ANK3: variants seen among roughly 807,000 people sequenced by gnomAD.
ANK3 encodes the protein ankyrin 3.
ANK3 carries 57 observed loss-of-function variants against 370.9 expected under a neutral mutation model. The observed-to-expected ratio is 0.15, with a 90% CI of 0.12 to 0.19. The LOEUF (loss-of-function observed/expected upper bound fraction) is 0.19. Among genes scored for constraint, ANK3 ranks in the 10% least tolerant of loss-of-function variants. The probability of loss-of-function intolerance (pLI) is 1.00; values close to 1 mark genes in which losing one functional copy is unlikely to be tolerated. For synonymous variants in ANK3, 1,929 were observed against 1,946.3 expected (o/e 0.99, Z 0.23); for missense variants, 4,439 against 5,302.1 (o/e 0.84, Z 5.06).
At chr10:60,246,510 G>A (rs1422162986) in intron 7 of ANK3, among the ~76,000 whole-genome samples, 1 of 152,182 alleles carries the variant, frequency 6.6e-6, no homozygotes. Context: ...TGATGCCAAT[G>A]ACATTTCCTT....
chr10:60,673,785 C>T (rs1259475707), intron 1 of ANK3, among the ~76,000 whole-genome samples: 2 of 152,212 alleles, frequency 1.3e-5, no homozygotes, highest in Non-Finnish European at 2.9e-5. Flanking sequence ...CTGCACTCTT[C>T]AAGTTACCCT....
At chr10:60,082,527 C>T in intron 34 of ANK3, 88 bp downstream of exon 34, 1 of 1,503,904 alleles carries the variant, frequency 6.6e-7, no homozygotes, top group Non-Finnish European at 8.9e-7. Context: ...GAGCTTTATT[C>T]ATGTTACAAA....
chr10:60,044,092 C>G, intron 42 of ANK3: 4 of 985,666 alleles, frequency 4.1e-6, no homozygotes, highest in Non-Finnish European at 4.8e-6. Context: ...CACGTTTTCT[C>G]TCTTGTGGGA....
chr10:60,608,384 G>T (rs1012035885), intron 2 of ANK3, among the ~76,000 whole-genome samples: 1 of 152,060 alleles, frequency 6.6e-6, no homozygotes, highest in African/African-American at 2.4e-5. Context: ...CTTTTCTATG[G>T]CCTGAGAAGG....
At chr10:60,496,481 A>G (rs1043239827) in intron 2 of ANK3, among the ~76,000 whole-genome samples, 4 of 151,822 alleles carry the variant, frequency 2.6e-5, no homozygotes, top group African/African-American at 9.7e-5. Context: ...TCTTCTTCCT[A>G]TTTCTTTATC....
chr10:60,423,290 C>A (rs138990595), intron 2 of ANK3, among the ~76,000 whole-genome samples: 1 of 151,602 alleles, frequency 6.6e-6, no homozygotes, highest in Non-Finnish European at 1.5e-5. Flanking sequence ...CCTTTATTGA[C>A]AATCATTGAT....
chr10:60,315,579 T>C (rs2047237463), intron 1 of ANK3, among the ~76,000 whole-genome samples: 1 of 152,152 alleles, frequency 6.6e-6, no homozygotes, highest in Non-Finnish European at 1.5e-5. Flanking sequence ...ATACTAACAA[T>C]TAAAATGGAA....
chr10:60,155,132 A>G (rs951607194), intron 23 of ANK3, among the ~76,000 whole-genome samples: 4 of 152,160 alleles, frequency 2.6e-5, no homozygotes, highest in African/African-American at 9.7e-5. Flanking sequence ...AGTAGCAATC[A>G]CAATACCCGA....
intron 2 of ANK3, among the ~76,000 whole-genome samples, chr10:60,395,572 C>CTTTCTTTCTTTCT (rs2063208200): frequency 5.3e-5 from 6 of 112,798 alleles, no homozygotes; most frequent in African/African-American, 1.8e-4. Flanking sequence ...TTCTTTCTTT[C>CTTTCTTTCTTTCT]TTTCTTTCTT....
intron 2 of ANK3, among the ~76,000 whole-genome samples, chr10:60,474,844 T>A (rs1183328493): frequency 6.6e-6 from 1 of 152,162 alleles, no homozygotes; most frequent in Non-Finnish European, 1.5e-5. Flanking sequence ...TATACTACTA[T>A]GTGATTAGTA....
At chr10:60,694,726 C>T (rs1490179159) in intron 1 of ANK3, among the ~76,000 whole-genome samples, 2 of 151,902 alleles carry the variant, frequency 1.3e-5, no homozygotes, top group Non-Finnish European at 1.5e-5. Flanking sequence ...CAGGCCTGCC[C>T]TAAAAGAGCT....
chr10:60,702,490 A>G (rs531313360), intron 1 of ANK3, among the ~76,000 whole-genome samples: 1 of 152,296 alleles, frequency 6.6e-6, no homozygotes, highest in Admixed American at 6.5e-5. Context: ...AAATCCAATG[A>G]GTAATTATTT....
chr10:60,085,852 G>A (rs2086565439), intron 30 of ANK3, among the ~76,000 whole-genome samples: 1 of 152,110 alleles, frequency 6.6e-6, no homozygotes. Flanking sequence ...CTGACCTCAG[G>A]TGATCCACCG....
At chr10:60,160,254 T>C (rs2095463298) in intron 23 of ANK3, among the ~76,000 whole-genome samples, 1 of 152,040 alleles carries the variant, frequency 6.6e-6, no homozygotes, top group African/African-American at 2.4e-5. Context: ...CAAAGGCTCA[T>C]TAGAGACTAT....
Position 60,075,031 on chromosome 10 carries a change from T to C in ANK3, c.5850A>G (p.Lys1950=), listed in dbSNP as rs780806109. Residue 1950 remains lysine (K), a synonymous_variant, in exon 37 of 44, where the codon AAA becomes AAG. Coordinates refer to ENST00000280772, the MANE Select transcript of ANK3 (RefSeq NM_020987.5). ...TAACTTTCACTAAGTCTTCCTTTAC[T>C]TTCTCTACAATTTTGAAAGGTTCTT... ...DDEEPFKIVE[K]VKEDLVKVSE... is the part of the protein sequence containing the mutation. 1.7e-5 allele frequency: 28 copies of C among 1,613,816 alleles called. No homozygotes were observed. The highest frequency in any genetic ancestry group is 2.4e-5 in the Non-Finnish European group (28 of 1,179,974).
chr10:60,407,236 T>C (rs1026997431), intron 2 of ANK3, among the ~76,000 whole-genome samples: 3 of 152,210 alleles, frequency 2.0e-5, no homozygotes, highest in Non-Finnish European at 4.4e-5. Flanking sequence ...CCAAGCTGTG[T>C]ATTCAAAATC....
At chr10:60,630,883 A>G (rs564932939) in intron 1 of ANK3, among the ~76,000 whole-genome samples, 2 of 152,298 alleles carry the variant, frequency 1.3e-5, no homozygotes, top group Admixed American at 1.3e-4. Flanking sequence ...AAAGGAGGCT[A>G]CAACGTCACC....
chr10:60,521,685 T>C (rs1460835895), intron 2 of ANK3, among the ~76,000 whole-genome samples: 3 of 152,244 alleles, frequency 2.0e-5, no homozygotes, highest in African/African-American at 7.2e-5. Context: ...TGAAACATCA[T>C]TTGTGGTTTC....
chr10:60,645,107 T>C (rs140793819), intron 1 of ANK3, among the ~76,000 whole-genome samples: 14 of 152,268 alleles, frequency 9.2e-5, no homozygotes, highest in African/African-American at 3.4e-4. Context: ...AGGATGTATA[T>C]AATTGTCATA....
Sources: gnomAD v4.1 joint callset for allele counts (sites outside exome capture counted in the v4.1 genomes callset) on GRCh38, gnomAD v4.1.1 for gene constraint, MANE v1.5 for transcripts, NCBI Gene and HGNC (gene_info 2026-07-23, HGNC 2026-07-21) for gene names.